Variants in CDHR2 observed in about 807,000 individuals in gnomAD.
CDHR2 encodes cadherin related family member 2, also known as cadherin-related family member 2.
CDHR2 carries 104 observed loss-of-function variants against 138.6 expected under a neutral mutation model. The observed-to-expected ratio is 0.75, with a 90% CI of 0.64 to 0.88. The LOEUF (loss-of-function observed/expected upper bound fraction) is 0.88, where lower values mean the gene tolerates loss of function less well. Ranked by LOEUF, CDHR2 falls within the 40% of genes least tolerant of loss-of-function variation. The probability of loss-of-function intolerance (pLI) is 0.00; values close to 1 mark genes in which losing one functional copy is unlikely to be tolerated. For synonymous variants in CDHR2, 755 were observed against 742.8 expected, an observed-to-expected ratio of 1.02 and a Z score of -0.27; for missense variants, 1,624 against 1,727.6, an observed-to-expected ratio of 0.94 and a Z score of 1.06.
Position 176,589,425 on chromosome 5 carries a change from C to T in CDHR2, c.3104C>T (p.Thr1035Ile), listed in dbSNP as rs1758778941. The T allele has an allele frequency of 6.3e-7, 1 of 1,595,990 alleles. No homozygotes were observed. Among genetic ancestry groups the T allele is most frequent in the Non-Finnish European group, 8.6e-7 (1 of 1,169,000 alleles). Residue 1035 changes from threonine (T) to isoleucine (I), a missense_variant, in exon 23 of 32, where the codon ACC becomes ATC. Physicochemically the swap from Thr to Ile is moderately conservative, Grantham distance 89. This residue lies in a region of CDHR2 where 556 missense variants were observed against 565.7 expected (regional missense o/e 0.98). Coordinates refer to ENST00000261944, the MANE Select transcript of CDHR2 (RefSeq NM_017675.6). ...TCCTTGGGTCCTTTCCTGGAAGCCA[C>T]CACCACCCTGAATGTGAGTGCTGGT... ...RPSLGPFLEA[T>I]TTLNLFTVDQ... is the part of the protein sequence containing the mutation.
At chr5:176,582,335 T>A (rs938680180) in intron 17 of CDHR2, among the ~76,000 whole-genome samples, 9 of 152,186 alleles carry the variant, frequency 5.9e-5, no homozygotes, top group Non-Finnish European at 1.3e-4. Flanking sequence ...GGCTAATTTT[T>A]AAAATTTATT....
intron 6 of CDHR2, among the ~76,000 whole-genome samples, chr5:176,572,181 G>C (rs10062846): frequency 0.24 from 35,866 of 148,972 alleles, 4,654 homozygotes; most frequent in East Asian, 0.47. Context: ...GTCGGGAGTT[G>C]GAGACCAGCC....
chr5:176,565,184 G>A (rs1298223729), intron 1 of CDHR2, 154 bp from the exon 2 acceptor site: 2 of 631,278 alleles, frequency 3.2e-6, no homozygotes, highest in East Asian at 2.7e-5. Flanking sequence ...TGACCCTAGA[G>A]CATCTGGAAA....
At chr5:176,563,830 A>G (rs1413440772) in intron 1 of CDHR2, among the ~76,000 whole-genome samples, 1 of 152,160 alleles carries the variant, frequency 6.6e-6, no homozygotes, top group East Asian at 1.9e-4. Context: ...TACAGTAGCA[A>G]ATGTGTTCCT....
chr5:176,574,191 C>T lies in CDHR2; in HGVS notation c.495+19C>T. The T allele has an allele frequency of 6.3e-7, 1 of 1,585,120 alleles. No individual in the cohort carries two copies. Among genetic ancestry groups the T allele is most frequent in the African/African-American group, 1.3e-5 (1 of 74,468 alleles). The stretch of plus-strand genomic sequence containing the variant: ...AGAGAAGGTGAGTGTGAAGGGGGCC[C>T]TGACCGCCTTTGTGACCGCCAGGGG... On this transcript the variant is annotated intron_variant, in intron 7 of 31. Coordinates refer to ENST00000261944, the MANE Select transcript of CDHR2 (RefSeq NM_017675.6).
chr5:176,543,843 C>A lies in CDHR2; in HGVS notation c.-16+1074C>A, dbSNP rs557361593. The A allele has an allele frequency of 6.6e-6, 1 of 152,452 alleles. No homozygotes were observed. Among genetic ancestry groups the A allele is most frequent in the African/African-American group, 2.4e-5 (1 of 41,564 alleles). 9.4% of individuals were successfully genotyped at this position (152,452 alleles called of 1,614,324 possible). A position where few individuals can be genotyped will look rare whatever the true frequency, so the allele number is the denominator to read the frequency against. ...TTCTTCAGGAGGAGGATGGGAGACT[C>A]CAGTGACAACAAAACGAGGCGGCCG... On this transcript the variant is annotated intron_variant, in intron 1 of 31. Transcript: ENST00000510636. The surrounding 1 kb of genome is among the most constrained non-coding windows in gnomAD (Gnocchi z 4.0).
At position 176,576,201 on chromosome 5, in the gene CDHR2, TG is replaced by T. The variant is rs1561874557; in HGVS notation, c.1194+19del. 6.7e-7 allele frequency: 1 copy of T among 1,484,826 alleles called. No individual in the cohort carries two copies. The highest frequency in any genetic ancestry group is 2.4e-5 in the East Asian group (1 of 40,826). The allele number at this position is 1,484,826 out of a possible 1,614,324, so 92.0% of individuals were successfully genotyped here. ...CCCGGACAAGGCAGGCGTGGTGGCG[TG>T]GGTGTGGGCGGGGGTGGCTGGGGGA... is the stretch of plus-strand genomic sequence containing the variant. On this transcript the variant is annotated intron_variant, in intron 12 of 31. Coordinates refer to ENST00000261944, the MANE Select transcript of CDHR2 (RefSeq NM_017675.6). The surrounding 1 kb of genome is among the most constrained non-coding windows in gnomAD (Gnocchi z 4.5).
At chr5:176,571,370 C>A in intron 6 of CDHR2, 68 bp downstream of exon 6, 4 of 1,167,086 alleles carry the variant, frequency 3.4e-6, no homozygotes, top group Admixed American at 2.4e-5. Flanking sequence ...GTAGGAAGAG[C>A]CAGAGACAGT....
Position 176,575,342 on chromosome 5 carries a change from C to T in CDHR2, c.684C>T (p.Ser228=). Residue 228 remains serine, a synonymous_variant, in exon 9 of 32, where the codon TCC becomes TCT. Transcript: ENST00000261944. Reference sequence around the variant, plus strand: ...AGTGCTCCCTGCCTGTCTTCCTGTCCATCTCCGTGGTGGACCAGCCTGACC... The same window carrying T: ...AGTGCTCCCTGCCTGTCTTCCTGTCTATCTCCGTGGTGGACCAGCCTGACC... The part of the protein sequence containing the change: ...TIQCSLPVFL[S]ISVVDQPDLD... The T allele has an allele frequency of 6.2e-7, 1 of 1,614,256 alleles. No individual in the cohort carries two copies. Among genetic ancestry groups the T allele is most frequent in the Non-Finnish European group, 8.5e-7 (1 of 1,180,056 alleles).
At chr5:176,557,686 T>TCCTTCCTTCCTTCCTTCCTTCC (rs1561866723) in intron 1 of CDHR2, among the ~76,000 whole-genome samples, 2 of 136,968 alleles carry the variant, frequency 1.5e-5, no homozygotes, top group African/African-American at 5.5e-5. Flanking sequence ...GTTGATTTTT[T>TCCTTCCTTCCTTCCTTCCTTCC]TTTCTTTCTT....
downstream of CDHR2, chr5:176,595,842 T>A (rs1759020496): frequency 4.6e-6 from 3 of 645,712 alleles, no homozygotes; most frequent in East Asian, 1.0e-4. Context: ...TGTGACAGTT[T>A]GTAGCCAAAA....
At position 176,569,947 on chromosome 5, in the gene CDHR2, G is replaced by A. The variant is rs547961894; in HGVS notation, c.315+937G>A. Among the ~76,000 whole-genome samples, 8 of 147,032 alleles carry A rather than the reference G, an allele frequency of 5.4e-5. No homozygotes were observed. In the East Asian group the frequency reaches 6.2e-4, roughly 11 times the overall value. ...CTCACTCCAGCCTGAGTGATAGCAC[G>A]AGACTCCGTCTCAAAAAAAAAAAAA... is the stretch of plus-strand genomic sequence containing the variant. On this transcript the variant is annotated intron_variant, in intron 5 of 31. Coordinates refer to ENST00000261944, the MANE Select transcript of CDHR2 (RefSeq NM_017675.6).
At chr5:176,544,416 C>G (rs1334048464), upstream of CDHR2, among the ~76,000 whole-genome samples, 1 of 39,190 alleles carries the variant, frequency 2.6e-5, no homozygotes, top group Non-Finnish European at 6.6e-5. Context: ...TTCCTTTCTT[C>G]TTTTCCTTTA....
rs760722986 is a variant in CDHR2 at position 176,578,432 on chromosome 5, C to T, written c.1642C>T (p.Arg548Trp). The T allele has an allele frequency of 5.6e-6, 9 of 1,614,074 alleles. No homozygotes were observed. The highest frequency in any genetic ancestry group is 7.6e-6 in the Non-Finnish European group (9 of 1,180,012). Residue 548 changes from arginine (R) to tryptophan (W), a missense_variant, in exon 16 of 32, where the codon CGG becomes TGG. Around this residue, in one of 3 missense-constraint regions of CDHR2, gnomAD observed 1,061 missense variants for 1,136.6 expected, o/e 0.93. Transcript: ENST00000261944. Reference protein sequence around the residue: ...VTVRNGELLDRESQAVYYLTL... With the variant: ...VTVRNGELLDWESQAVYYLTL... ...GGTGAGGAACGGTGAGCTGCTGGAC[C>T]GGGAGAGCCAGGCCGTGTACTACCT...
In CDHR2 at chr5:176,589,345, C is replaced by T. The variant is rs1293508410; in HGVS notation, c.3024C>T (p.Leu1008=). 7 of 1,555,440 alleles carry T rather than the reference C, an allele frequency of 4.5e-6. No individual in the cohort carries two copies. In the South Asian group the frequency reaches 6.2e-5, roughly 14 times the overall value. Residue 1008 remains leucine, a synonymous_variant, in exon 23 of 32, where the codon CTC becomes CTT. Coordinates refer to ENST00000261944, the MANE Select transcript of CDHR2 (RefSeq NM_017675.6). ...FAGSIQPVTS[L]DSTLQGTYQV... Reference sequence around the variant, plus strand: ...CCTTCCGCAGGCCGGTGACCAGCCTCGACTCCACTCTCCAAGGCACCTACC... The same window carrying T: ...CCTTCCGCAGGCCGGTGACCAGCCTTGACTCCACTCTCCAAGGCACCTACC...
intron 30 of CDHR2, 99 bp from the exon 31 acceptor site, chr5:176,592,624 C>T (rs571263616): frequency 1.5e-5 from 13 of 884,352 alleles, no homozygotes; most frequent in Middle Eastern, 2.3e-4. Context: ...TGGTGGTAGT[C>T]GTGGTGATGG....
rs78645606 is a variant in CDHR2, at chr5:176,553,238, G to A, written c.-16+3824G>A. On this transcript the variant is annotated intron_variant, in intron 1 of 31. Coordinates refer to ENST00000261944, the MANE Select transcript of CDHR2 (RefSeq NM_017675.6). The surrounding 1 kb of genome is among the most constrained non-coding windows in gnomAD (Gnocchi z 4.3). ...GCAGCTCAAGAAGGAAAACCCAGGA[G>A]CCTAGAAAAGAGAGAAGGCACAGGC... is the stretch of plus-strand genomic sequence containing the variant. Among the ~76,000 whole-genome samples, 81 of 152,326 alleles carry A rather than the reference G, an allele frequency of 5.3e-4. 1 individual carries two copies. The East Asian group carries it at 0.015, about 28-fold the overall frequency.
chr5:176,578,116 G>A (rs117972146), intron 15 of CDHR2, 21 bp downstream of exon 15: 38 of 1,601,998 alleles, frequency 2.4e-5, no homozygotes, highest in African/African-American at 4.0e-5. Flanking sequence ...AGGGTGGGCC[G>A]TAGGCAGGTG....
At chr5:176,546,904 A>G (rs1197026096), upstream of CDHR2, among the ~76,000 whole-genome samples, 1 of 152,138 alleles carries the variant, frequency 6.6e-6, no homozygotes, top group Non-Finnish European at 1.5e-5. Flanking sequence ...AAAAGAGGAA[A>G]AGCCTCTTGG....
Sources: gnomAD v4.1 joint callset for allele counts (sites outside exome capture counted in the v4.1 genomes callset) on GRCh38, gnomAD v4.1.1 for gene constraint, gnomAD v4.1.1 regional missense constraint, Gnocchi (gnomAD v3.1) non-coding constraint, MANE v1.5 for transcripts, NCBI Gene and HGNC (gene_info 2026-07-23, HGNC 2026-07-21) for gene names.